ZEB1: variants seen among roughly 807,000 people sequenced by gnomAD.
The protein encoded by ZEB1 is zinc finger E-box binding homeobox 1, also known as zinc finger E-box-binding homeobox 1.
Under a neutral mutation model 84.9 loss-of-function variants are expected in ZEB1, and 21 were observed. The observed-to-expected ratio is 0.25, with a 90% CI of 0.18 to 0.36. The LOEUF (loss-of-function observed/expected upper bound fraction) is 0.36. Ranked by LOEUF, ZEB1 falls within the 10% of genes least tolerant of loss-of-function variation. The probability of loss-of-function intolerance (pLI) is 1.00; values close to 1 mark genes in which losing one functional copy is unlikely to be tolerated. For synonymous variants in ZEB1, 420 were observed against 471.1 expected (o/e 0.89, Z 1.41); for missense variants, 1,104 against 1,330.2 (o/e 0.83, Z 2.65).
At chr10:31,373,812 G>T (rs775838337) in intron 1 of ZEB1, among the ~76,000 whole-genome samples, 5 of 151,610 alleles carry the variant, frequency 3.3e-5, no homozygotes, top group Non-Finnish European at 5.9e-5. Flanking sequence ...TCAAATTTTG[G>T]TGATAAAATC....
intron 1 of ZEB1, among the ~76,000 whole-genome samples, chr10:31,360,629 T>C (rs1223697289): frequency 6.6e-6 from 1 of 152,224 alleles, no homozygotes; most frequent in Non-Finnish European, 1.5e-5. Context: ...TGTGCTGAAA[T>C]ATTTTGGAGA....
At chr10:31,514,766 AATATC>A in intron 6 of ZEB1, 58 bp downstream of exon 6, 1 of 1,368,436 alleles carries the variant, frequency 7.3e-7, no homozygotes, top group Non-Finnish European at 1.0e-6. Flanking sequence ...GTAATAAATA[AATATC>A]ATAACATGTA....
intron 1 of ZEB1, among the ~76,000 whole-genome samples, chr10:31,407,445 A>G (rs1353301705): frequency 1.3e-5 from 2 of 151,912 alleles, no homozygotes; most frequent in African/African-American, 4.8e-5. Flanking sequence ...TTATGGCTGC[A>G]TAGTATTCCA....
chr10:31,442,855 C>T (rs1591315506), intron 1 of ZEB1, among the ~76,000 whole-genome samples: 1 of 152,148 alleles, frequency 6.6e-6, no homozygotes, highest in Admixed American at 6.5e-5. Context: ...TTTAGCAGTG[C>T]TCACAGTCAT....
rs991957148 is a variant in ZEB1, at chr10:31,321,289, T to C, written c.58+1997T>C. The stretch of plus-strand genomic sequence containing the variant: ...CCAATCCATAATTATATTTTTAATA[T>C]ATTCGAGCCATCATTAAAATCACTG... On this transcript the variant is annotated intron_variant, in intron 1 of 8. Coordinates refer to ENST00000424869, the MANE Select transcript of ZEB1 (RefSeq NM_001174096.2). 5.1e-6 allele frequency: 7 copies of C among 1,370,268 alleles called. No individual in the cohort carries two copies. The Admixed American group carries it at 1.2e-4, about 24-fold the overall frequency. 84.9% of individuals were successfully genotyped at this position (1,370,268 alleles called of 1,614,324 possible).
intron 4 of ZEB1, among the ~76,000 whole-genome samples, chr10:31,505,886 C>G (rs536849747): frequency 1.3e-5 from 2 of 151,816 alleles, no homozygotes; most frequent in East Asian, 1.9e-4. Flanking sequence ...GTATTTATTG[C>G]TATATACTTC....
At chr10:31,468,295 C>T (rs1035393017) in intron 2 of ZEB1, among the ~76,000 whole-genome samples, 1 of 152,092 alleles carries the variant, frequency 6.6e-6, no homozygotes, top group African/African-American at 2.4e-5. Context: ...CTCTTGTATT[C>T]CTTATCAACA....
chr10:31,523,988 ACT>A lies in ZEB1; in HGVS notation c.2663_2664del (p.Ser888Ter), dbSNP rs1297756985. ...GTATCAAATGTAGAGGATCAGAATG[ACT>A]CTGATTCTACACCGCCCAAAAAGAA... On this transcript the variant is annotated frameshift_variant, in exon 8 of 9. Coordinates refer to ENST00000424869, the MANE Select transcript of ZEB1 (RefSeq NM_001174096.2). LOFTEE classifies it high-confidence loss of function. 1.2e-6 allele frequency: 2 copies of A among 1,613,766 alleles called. No homozygotes were observed. The highest frequency in any genetic ancestry group is 2.7e-5 in the African/African-American group (2 of 74,878).
intron 1 of ZEB1, among the ~76,000 whole-genome samples, chr10:31,452,103 T>C (rs1048285684): frequency 6.6e-6 from 1 of 152,012 alleles, no homozygotes; most frequent in African/African-American, 2.4e-5. Context: ...TTTGAAAATA[T>C]AAAAAGAGTT....
At chr10:31,413,560 A>AT (rs2054664985) in intron 1 of ZEB1, among the ~76,000 whole-genome samples, 2 of 152,284 alleles carry the variant, frequency 1.3e-5, no homozygotes, top group South Asian at 4.1e-4. Flanking sequence ...AACTGAACAG[A>AT]TTTGTTAAAA....
intron 1 of ZEB1, among the ~76,000 whole-genome samples, chr10:31,389,231 A>T (rs1303584775): frequency 6.6e-6 from 1 of 152,108 alleles, no homozygotes; most frequent in Non-Finnish European, 1.5e-5. Context: ...GACAAAATCA[A>T]CTGTTGTTCT....
At position 31,373,002 on chromosome 10, in the gene ZEB1, A is replaced by C. The variant is rs1301818456; in HGVS notation, c.58+53710A>C. On this transcript the variant is annotated intron_variant, in intron 1 of 8. Transcript: ENST00000424869. The stretch of plus-strand genomic sequence containing the variant: ...GGTGGGTGTGGGAACAACTTAATAA[A>C]GTTTGGGTAATTTAGTTTTCAGTTT... 3.0e-6 allele frequency: 3 copies of C among 985,208 alleles called. No individual in the cohort carries two copies. In the African/African-American group the frequency reaches 5.2e-5, roughly 17 times the overall value. 61.0% of individuals were successfully genotyped at this position (985,208 alleles called of 1,614,324 possible). A position where few individuals can be genotyped will look rare whatever the true frequency, so the allele number is the denominator to read the frequency against.
At chr10:31,392,908 C>T (rs1055914027) in intron 1 of ZEB1, among the ~76,000 whole-genome samples, 1 of 152,092 alleles carries the variant, frequency 6.6e-6, no homozygotes, top group Admixed American at 6.5e-5. Context: ...AACCACAGCT[C>T]ACTGGAGCCT....
intron 2 of ZEB1, among the ~76,000 whole-genome samples, chr10:31,473,322 C>G (rs1173891155): frequency 6.7e-6 from 1 of 149,032 alleles, no homozygotes; most frequent in Non-Finnish European, 1.5e-5. Context: ...ATTGTCTCAG[C>G]CCAAAATCTC....
At chr10:31,451,773 A>C (rs953329506) in intron 1 of ZEB1, among the ~76,000 whole-genome samples, 1 of 152,154 alleles carries the variant, frequency 6.6e-6, no homozygotes, top group Non-Finnish European at 1.5e-5. Flanking sequence ...AAAGGGGAAA[A>C]GGGGAAGGTA....
At chr10:31,383,187 C>A (rs569067386) in intron 1 of ZEB1, among the ~76,000 whole-genome samples, 5 of 152,064 alleles carry the variant, frequency 3.3e-5, no homozygotes, top group African/African-American at 9.6e-5. Context: ...GACTATAGAA[C>A]AACACTGTTC....
intron 4 of ZEB1, 91 bp from the exon 5 acceptor site, chr10:31,510,582 A>G (rs1040751735): frequency 2.0e-6 from 2 of 1,022,080 alleles, no homozygotes; most frequent in East Asian, 2.6e-5. Context: ...GGGTAGCACA[A>G]TATCTGGAAC....
rs2072285478 is a variant in ZEB1 at position 31,521,247 on chromosome 10, T to G, written c.1915T>G (p.Ser639Ala). 1 of 1,614,108 alleles carries G rather than the reference T, an allele frequency of 6.2e-7. No individual in the cohort carries two copies. Among genetic ancestry groups the G allele is most frequent in the African/African-American group, 1.3e-5 (1 of 75,046 alleles). The change falls in exon 7 of 9, where the codon TCA (serine) becomes GCA (alanine). Residue 639 changes from serine (S) to alanine (A), a missense_variant. By Grantham distance (99) the Ser-to-Ala change is moderately conservative (BLOSUM62 1). Transcript: ENST00000424869. ...TGAAAAGATGCAAGCTGGACAGATT[T>G]CAGTGCAGTCTTCTGAACCATCTTC... ...WFEKMQAGQI[S>A]VQSSEPSSPE...
chr10:31,389,498 C>T (rs2049227019), intron 1 of ZEB1: 3 of 152,168 alleles, frequency 2.0e-5, no homozygotes, highest in Admixed American at 2.0e-4. Flanking sequence ...CTAGTCCCTA[C>T]TATAAATTTT....
Sources: gnomAD v4.1 joint callset for allele counts (sites outside exome capture counted in the v4.1 genomes callset) on GRCh38, gnomAD v4.1.1 for gene constraint, MANE v1.5 for transcripts, NCBI Gene and HGNC (gene_info 2026-07-23, HGNC 2026-07-21) for gene names.